Variants in RCAN2 observed in about 807,000 individuals in gnomAD.
RCAN2 encodes calcipressin-2.
A neutral mutation model predicts 23.6 loss-of-function variants in RCAN2; 9 were observed. The ratio of observed to expected loss-of-function variants is 0.38; its 90% CI spans 0.23 to 0.67. RCAN2 has a LOEUF of 0.67. Among genes scored for constraint, RCAN2 ranks in the 30% least tolerant of loss-of-function variants. The pLI, the probability that RCAN2 is intolerant of heterozygous loss-of-function variation, is 0.51. For synonymous variants in RCAN2, 109 were observed against 115.7 expected, an observed-to-expected ratio of 0.94 and a Z score of 0.37; for missense variants, 273 against 302.3, an observed-to-expected ratio of 0.90 and a Z score of 0.72.
At chr6:46,424,388 C>T (rs1367895889) in intron 2 of RCAN2, among the ~76,000 whole-genome samples, 2 of 152,154 alleles carry the variant, frequency 1.3e-5, no homozygotes, top group African/African-American at 4.8e-5. Context: ...ATCCTCCCAT[C>T]TTAATCACTA....
intron 2 of RCAN2, among the ~76,000 whole-genome samples, chr6:46,434,981 C>T (rs1218092619): frequency 6.6e-6 from 1 of 152,164 alleles, no homozygotes; most frequent in Non-Finnish European, 1.5e-5. Flanking sequence ...TTGTGCACCT[C>T]CCATATTAGT....
chr6:46,397,550 T>G (rs1014269852), intron 2 of RCAN2, among the ~76,000 whole-genome samples: 1 of 152,202 alleles, frequency 6.6e-6, no homozygotes, highest in Non-Finnish European at 1.5e-5. Context: ...GAAGGGTACA[T>G]GAGACTTTTC....
chr6:46,415,530 T>G (rs1356845950), intron 2 of RCAN2, among the ~76,000 whole-genome samples: 2 of 151,884 alleles, frequency 1.3e-5, no homozygotes, highest in African/African-American at 4.8e-5. Flanking sequence ...TGAGCAAAGG[T>G]GAAGTGAGAA....
intron 2 of RCAN2, among the ~76,000 whole-genome samples, chr6:46,284,680 G>A (rs1015944676): frequency 3.9e-5 from 6 of 152,190 alleles, no homozygotes; most frequent in Non-Finnish European, 7.3e-5. Flanking sequence ...TGGTGCCCGA[G>A]TGAGTCACTG....
chr6:46,225,183 T>G (rs1437351855), intron 4 of RCAN2, among the ~76,000 whole-genome samples: 1 of 152,246 alleles, frequency 6.6e-6, no homozygotes, highest in Non-Finnish European at 1.5e-5. Flanking sequence ...AGTCTATCAT[T>G]GATGGACATT....
At chr6:46,442,650 T>C (rs906470989) in intron 2 of RCAN2, among the ~76,000 whole-genome samples, 1 of 152,186 alleles carries the variant, frequency 6.6e-6, no homozygotes, top group African/African-American at 2.4e-5. Flanking sequence ...CCAGAATAAA[T>C]GGAATATGGC....
intron 1 of RCAN2, among the ~76,000 whole-genome samples, chr6:46,470,518 G>T (rs1768529768): frequency 3.3e-5 from 5 of 152,140 alleles, no homozygotes. Flanking sequence ...AGGAACTATT[G>T]CCATTTGTCT....
intron 2 of RCAN2, among the ~76,000 whole-genome samples, chr6:46,425,235 T>A (rs1203703546): frequency 6.6e-6 from 1 of 152,226 alleles, no homozygotes; most frequent in Non-Finnish European, 1.5e-5. Context: ...TATATCAGTG[T>A]GTATTTACTG....
chr6:46,424,610 G>C (rs999769027), intron 2 of RCAN2, among the ~76,000 whole-genome samples: 1 of 151,952 alleles, frequency 6.6e-6, no homozygotes, highest in African/African-American at 2.4e-5. Flanking sequence ...CCTTAGATCT[G>C]TGATATCTGC....
Position 46,491,269 on chromosome 6 carries a change from C to A in RCAN2, c.-99G>T. 6.6e-6 allele frequency: 1 copy of A among 151,190 alleles called. No individual in the cohort carries two copies. Among genetic ancestry groups the A allele is most frequent in the South Asian group, 2.0e-4 (1 of 5,060 alleles). 9.4% of individuals were successfully genotyped at this position (151,190 alleles called of 1,614,324 possible). ...CTGCTAGCGCGCGGCGCTGCCTGCT[C>A]ACCTGCCCGCCGGTGCGAGCGCGTG... is the stretch of plus-strand genomic sequence containing the variant. On this transcript the variant is annotated 5_prime_UTR_variant, in exon 1 of 5. Transcript: ENST00000371374.
intron 2 of RCAN2, among the ~76,000 whole-genome samples, chr6:46,417,721 G>T (rs925556901): frequency 1.3e-5 from 2 of 152,100 alleles, no homozygotes; most frequent in Admixed American, 6.5e-5. Context: ...AATTTCATTT[G>T]GGGGTAGTGT....
At chr6:46,309,330 T>A (rs142772788) in intron 2 of RCAN2, among the ~76,000 whole-genome samples, 53 of 152,304 alleles carry the variant, frequency 3.5e-4, no homozygotes, top group African/African-American at 1.1e-3. Context: ...TAATTTTTAG[T>A]CCAGAATTAT....
intron 4 of RCAN2, among the ~76,000 whole-genome samples, chr6:46,234,216 C>A (rs1766008528): frequency 6.6e-6 from 1 of 152,294 alleles, no homozygotes; most frequent in South Asian, 2.1e-4. Context: ...CATTTTATTG[C>A]TGTGATCCCA....
chr6:46,276,061 C>T (rs1321971638), intron 2 of RCAN2, among the ~76,000 whole-genome samples: 1 of 152,046 alleles, frequency 6.6e-6, no homozygotes, highest in Non-Finnish European at 1.5e-5. Flanking sequence ...CAAAAATTAG[C>T]CAGGCATGGT....
chr6:46,226,981 G>A (rs1765691549), intron 4 of RCAN2, among the ~76,000 whole-genome samples: 1 of 152,150 alleles, frequency 6.6e-6, no homozygotes, highest in South Asian at 2.1e-4. Flanking sequence ...AATTTATTGA[G>A]AGTTTTTAGC....
intron 1 of RCAN2, among the ~76,000 whole-genome samples, chr6:46,458,401 T>A (rs1561914127): frequency 6.6e-6 from 1 of 152,182 alleles, no homozygotes; most frequent in African/African-American, 2.4e-5. Context: ...GCATTACATA[T>A]AAAATCTTAA....
At chr6:46,471,431 C>T (rs1768556061) in intron 1 of RCAN2, among the ~76,000 whole-genome samples, 2 of 152,072 alleles carry the variant, frequency 1.3e-5, no homozygotes, top group Non-Finnish European at 2.9e-5. Flanking sequence ...TTTTAATGTA[C>T]ACGTGGTATT....
Position 46,221,714 on chromosome 6 carries a change from C to T in RCAN2, c.*1427G>A, listed in dbSNP as rs1765481453. 2.6e-6 allele frequency: 1 copy of T among 387,334 alleles called. No homozygotes were observed. Among genetic ancestry groups the T allele is most frequent in the East Asian group, 3.7e-5 (1 of 27,352 alleles). 24.0% of individuals were successfully genotyped at this position (387,334 alleles called of 1,614,324 possible). On this transcript the variant is annotated 3_prime_UTR_variant, in exon 5 of 5. Transcript: ENST00000371374. ...TCAATCTGTTTGCTGTGTTATTGTT[C>T]TTGTGTGTTTTTCTGAGGCTTGGGT... is the stretch of plus-strand genomic sequence containing the variant.
intron 1 of RCAN2, among the ~76,000 whole-genome samples, chr6:46,487,523 C>T (rs559422157): frequency 3.3e-4 from 50 of 152,342 alleles, no homozygotes; most frequent in Non-Finnish European, 5.1e-4. Flanking sequence ...TTCACTGAGA[C>T]GGACTTGTAT....
Sources: allele counts gnomAD v4.1 joint callset (sites outside exome capture counted in the v4.1 genomes callset), GRCh38; gene constraint gnomAD v4.1.1; transcripts MANE v1.5; gene names NCBI Gene and HGNC (gene_info 2026-07-23, HGNC 2026-07-21).